MGAT4C: variants seen among roughly 807,000 people sequenced by gnomAD.
The protein encoded by MGAT4C is alpha-1,3-mannosyl-glycoprotein 4-beta-N-acetylglucosaminyltransferase C.
In MGAT4C, 19 loss-of-function variants were observed where a neutral mutation model predicts 40.1. That is an observed-to-expected ratio of 0.47 (90% CI 0.33 to 0.70). The LOEUF (loss-of-function observed/expected upper bound fraction) is 0.70. Among genes scored for constraint, MGAT4C ranks in the 30% least tolerant of loss-of-function variants. The pLI is 0.02. For missense variants in MGAT4C, 491 were observed against 563.2 expected (o/e 0.87, Z 1.30); for synonymous variants, 181 against 187.1 (o/e 0.97, Z 0.27).
chr12:86,757,978 G>C (rs894011570), intron 1 of MGAT4C, among the ~76,000 whole-genome samples: 2 of 152,108 alleles, frequency 1.3e-5, no homozygotes, highest in Non-Finnish European at 2.9e-5. Context: ...ATAGTATCCT[G>C]AGGGTGAGCT....
intron 2 of MGAT4C, among the ~76,000 whole-genome samples, chr12:86,618,885 A>T (rs984369463): frequency 6.6e-6 from 1 of 152,150 alleles, no homozygotes; most frequent in Non-Finnish European, 1.5e-5. Flanking sequence ...AAATACCCTG[A>T]CTTGATCATT....
intron 1 of MGAT4C, among the ~76,000 whole-genome samples, chr12:86,128,045 A>C (rs1880574156): frequency 6.6e-6 from 1 of 152,172 alleles, no homozygotes; most frequent in Admixed American, 6.5e-5. Context: ...CACTGTACAT[A>C]ATTCTGTGCT....
chr12:86,492,329 G>C (rs1034190675), intron 2 of MGAT4C, among the ~76,000 whole-genome samples: 5 of 152,020 alleles, frequency 3.3e-5, no homozygotes, highest in Non-Finnish European at 4.4e-5. Context: ...AAACGAGCCC[G>C]CATTGCCAAG....
chr12:86,760,874 T>C (rs1951392786), intron 1 of MGAT4C, among the ~76,000 whole-genome samples: 1 of 152,170 alleles, frequency 6.6e-6, no homozygotes, highest in African/African-American at 2.4e-5. Flanking sequence ...ATTCCACTTG[T>C]ATAAAACTAG....
At chr12:86,644,115 T>TTATTATAAATAATAATAA (rs1963470524) in intron 2 of MGAT4C, among the ~76,000 whole-genome samples, 1 of 151,644 alleles carries the variant, frequency 6.6e-6, no homozygotes, top group East Asian at 1.9e-4. Context: ...TTGATTATAT[T>TTATTATAAATAATAATAA]AGAATTATAA....
At chr12:86,066,553 A>C (rs1220600977) in intron 1 of MGAT4C, among the ~76,000 whole-genome samples, 1 of 152,164 alleles carries the variant, frequency 6.6e-6, no homozygotes, top group African/African-American at 2.4e-5. Context: ...CTTATACAAA[A>C]ATTACCTCAA....
At chr12:86,419,890 T>C (rs1436002772) in intron 3 of MGAT4C, among the ~76,000 whole-genome samples, 1 of 152,142 alleles carries the variant, frequency 6.6e-6, no homozygotes, top group Non-Finnish European at 1.5e-5. Context: ...TTACTTTGTA[T>C]GTTATGTGTT....
At chr12:86,432,265 T>C (rs1337096244) in intron 3 of MGAT4C, among the ~76,000 whole-genome samples, 2 of 151,876 alleles carry the variant, frequency 1.3e-5, no homozygotes, top group Non-Finnish European at 2.9e-5. Flanking sequence ...GGCAAAGATA[T>C]GGAAATGGTA....
intron 1 of MGAT4C, among the ~76,000 whole-genome samples, chr12:86,111,561 A>G (rs1355382946): frequency 6.6e-6 from 1 of 151,860 alleles, no homozygotes; most frequent in African/African-American, 2.4e-5. Flanking sequence ...TATTTTAAAC[A>G]AAAGTACTAA....
chr12:86,110,268 C>CTATATATATATATAGTCTATA (rs368895751), intron 1 of MGAT4C, among the ~76,000 whole-genome samples: 1 of 22,308 alleles, frequency 4.5e-5, no homozygotes, highest in Non-Finnish European at 8.4e-5. Context: ...TATATATAGA[C>CTATATATATATATAGTCTATA]TATATATATA....
At chr12:86,194,434 G>A (rs1949716463) in intron 1 of MGAT4C, among the ~76,000 whole-genome samples, 1 of 151,598 alleles carries the variant, frequency 6.6e-6, no homozygotes, top group Non-Finnish European at 1.5e-5. Flanking sequence ...TTTTTAGGAG[G>A]CAGGAGAGTA....
At chr12:86,302,385 G>A (rs1044582209) in intron 4 of MGAT4C, among the ~76,000 whole-genome samples, 1 of 115,838 alleles carries the variant, frequency 8.6e-6, no homozygotes. Context: ...GCAGTTGCAG[G>A]GTTTTTGTTT....
At chr12:86,525,626 C>A (rs557780879) in intron 2 of MGAT4C, among the ~76,000 whole-genome samples, 2 of 152,000 alleles carry the variant, frequency 1.3e-5, no homozygotes, top group Non-Finnish European at 2.9e-5. Context: ...CTTTTTTAAT[C>A]GTATTTGACA....
chr12:86,511,412 T>G (rs1368267184), intron 2 of MGAT4C, among the ~76,000 whole-genome samples: 1 of 152,196 alleles, frequency 6.6e-6, no homozygotes, highest in Non-Finnish European at 1.5e-5. Flanking sequence ...TTCCTAAGTA[T>G]TTTATTATTT....
intron 2 of MGAT4C, among the ~76,000 whole-genome samples, chr12:86,644,770 A>G (rs552621313): frequency 6.6e-6 from 1 of 151,858 alleles, no homozygotes; most frequent in African/African-American, 2.4e-5. Context: ...TTTTATCTAT[A>G]TAATGTAACC....
chr12:86,093,354 C>G (rs894817290), intron 1 of MGAT4C, among the ~76,000 whole-genome samples: 1 of 152,044 alleles, frequency 6.6e-6, no homozygotes, highest in Admixed American at 6.6e-5. Context: ...TCTCTTAACC[C>G]AGGATTCTAT....
At chr12:86,532,901 T>C (rs1700029135) in intron 2 of MGAT4C, among the ~76,000 whole-genome samples, 1 of 152,082 alleles carries the variant, frequency 6.6e-6, no homozygotes, top group South Asian at 2.1e-4. Flanking sequence ...GATAGATTAA[T>C]AATAATAAAA....
intron 2 of MGAT4C, among the ~76,000 whole-genome samples, chr12:86,539,770 A>C (rs546755296): frequency 6.6e-6 from 1 of 152,320 alleles, no homozygotes; most frequent in East Asian, 1.9e-4. Flanking sequence ...TCTGATGGCC[A>C]GTTATGATGA....
At chr12:86,403,607 C>A (rs978337598) in intron 3 of MGAT4C, among the ~76,000 whole-genome samples, 13 of 152,130 alleles carry the variant, frequency 8.5e-5, no homozygotes, top group African/African-American at 3.1e-4. Context: ...AAATTAGGAT[C>A]ATTTTAAGTT....
Sources: gnomAD v4.1 joint callset for allele counts (sites outside exome capture counted in the v4.1 genomes callset) on GRCh38, gnomAD v4.1.1 for gene constraint, MANE v1.5 for transcripts, NCBI Gene and HGNC (gene_info 2026-07-23, HGNC 2026-07-21) for gene names.